The following UNC5C variants were observed in gnomAD, a reference collection of about 807,000 sequenced individuals.
The protein encoded by UNC5C is unc-5 netrin receptor C, also known as netrin receptor UNC5C.
Under a neutral mutation model 99.8 loss-of-function variants are expected in UNC5C, and 47 were observed. The observed-to-expected ratio is 0.47, with a 90% CI of 0.37 to 0.60. UNC5C has a LOEUF of 0.60. Among genes scored for constraint, UNC5C ranks in the 20% least tolerant of loss-of-function variants. The pLI is 0.00. For synonymous variants in UNC5C, 487 were observed against 452.2 expected, an observed-to-expected ratio of 1.08 and a Z score of -0.98; for missense variants, 1,062 against 1,165.9, an observed-to-expected ratio of 0.91 and a Z score of 1.30.
At chr4:95,343,810 A>T (rs367864619) in intron 1 of UNC5C, among the ~76,000 whole-genome samples, 1 of 152,244 alleles carries the variant, frequency 6.6e-6, no homozygotes, top group African/African-American at 2.4e-5. Flanking sequence ...GTACATCAAG[A>T]GTCTCTTAAA....
At chr4:95,529,098 C>A (rs1722570772) in intron 1 of UNC5C, among the ~76,000 whole-genome samples, 1 of 151,192 alleles carries the variant, frequency 6.6e-6, no homozygotes, top group East Asian at 1.9e-4. Context: ...ATCATCCTGA[C>A]AAGATTTTAA....
intron 1 of UNC5C, among the ~76,000 whole-genome samples, chr4:95,478,655 ATTATT>A (rs1160410480): frequency 1.3e-5 from 2 of 151,956 alleles, no homozygotes; most frequent in African/African-American, 4.8e-5. Context: ...TCTGCATTTT[ATTATT>A]TTGTTTTTTA....
At chr4:95,507,240 CAAAGG>C (rs1721947999) in intron 1 of UNC5C, among the ~76,000 whole-genome samples, 1 of 151,890 alleles carries the variant, frequency 6.6e-6, no homozygotes, top group Middle Eastern at 3.4e-3. Flanking sequence ...TCAGCAGATA[CAAAGG>C]AAAGTGTTTA....
At chr4:95,462,215 G>A (rs1304514164) in intron 1 of UNC5C, among the ~76,000 whole-genome samples, 1 of 151,870 alleles carries the variant, frequency 6.6e-6, no homozygotes, top group Non-Finnish European at 1.5e-5. Flanking sequence ...TTTGACATAT[G>A]TATGTGTACA....
chr4:95,231,235 T>C (rs1434855688), intron 7 of UNC5C, among the ~76,000 whole-genome samples: 2 of 152,136 alleles, frequency 1.3e-5, no homozygotes, highest in Non-Finnish European at 2.9e-5. Context: ...CCTGCTTGCC[T>C]TTGAGGTTTA....
At chr4:95,426,422 T>C (rs1226268674) in intron 1 of UNC5C, among the ~76,000 whole-genome samples, 1 of 152,174 alleles carries the variant, frequency 6.6e-6, no homozygotes, top group African/African-American at 2.4e-5. Flanking sequence ...ATTAAGCCAA[T>C]TAATAACCCT....
intron 1 of UNC5C, among the ~76,000 whole-genome samples, chr4:95,380,567 C>T (rs1005119739): frequency 3.3e-5 from 5 of 151,800 alleles, no homozygotes; most frequent in East Asian, 1.9e-4. Context: ...TAAGCCACCA[C>T]GCTTGGCCTA....
intron 1 of UNC5C, among the ~76,000 whole-genome samples, chr4:95,527,482 GT>G (rs1282391165): frequency 6.6e-6 from 1 of 151,982 alleles, no homozygotes; most frequent in Non-Finnish European, 1.5e-5. Context: ...GCAAACTTGA[GT>G]TTTTTTAAAT....
intron 1 of UNC5C, among the ~76,000 whole-genome samples, chr4:95,451,278 C>T (rs1258993208): frequency 6.6e-6 from 1 of 152,270 alleles, no homozygotes; most frequent in East Asian, 1.9e-4. Flanking sequence ...GTTTGAAGCC[C>T]ACCACAGCAG....
chr4:95,291,381 T>C (rs1741438730), intron 3 of UNC5C, among the ~76,000 whole-genome samples: 1 of 152,216 alleles, frequency 6.6e-6, no homozygotes, highest in South Asian at 2.1e-4. Flanking sequence ...AGACAAGCTG[T>C]TTTCTTGCAA....
chr4:95,205,551 C>T (rs1000109624), intron 11 of UNC5C, among the ~76,000 whole-genome samples: 9 of 152,054 alleles, frequency 5.9e-5, no homozygotes, highest in African/African-American at 2.2e-4. Flanking sequence ...CTGGAATCTT[C>T]ATGTGTATTT....
rs565804779 is a variant in UNC5C at position 95,317,009 on chromosome 4, GAA to G, written c.347-15262_347-15261del. 4.2e-4 allele frequency among the ~76,000 whole-genome samples: 58 copies of G among 138,208 alleles called. No individual in the cohort carries two copies. The Middle Eastern group carries it at 0.011, about 27-fold the overall frequency. The allele number at this position is 138,208 out of a possible 152,430, so 90.7% of individuals were successfully genotyped here. On this transcript the variant is annotated intron_variant, in intron 2 of 15. Coordinates refer to ENST00000453304, the MANE Select transcript of UNC5C (RefSeq NM_003728.4). ...AAAGAACACATATGCCAAAATAAAA[GAA>G]AAAAAAAAAGCAAAAATAAAAGGGA...
chr4:95,453,397 A>T (rs1323624793), intron 1 of UNC5C, among the ~76,000 whole-genome samples: 1 of 152,130 alleles, frequency 6.6e-6, no homozygotes. Flanking sequence ...TAATACAATA[A>T]GTATATTCTG....
intron 2 of UNC5C, among the ~76,000 whole-genome samples, chr4:95,331,750 T>A (rs988613536): frequency 6.6e-6 from 1 of 152,044 alleles, no homozygotes; most frequent in African/African-American, 2.4e-5. Flanking sequence ...TTATAAAAAA[T>A]AAAGATTTCA....
chr4:95,453,591 C>T (rs1300134350), intron 1 of UNC5C, among the ~76,000 whole-genome samples: 1 of 152,068 alleles, frequency 6.6e-6, no homozygotes, highest in Non-Finnish European at 1.5e-5. Context: ...ATGAGCTCCA[C>T]CTCTTCTCTT....
Position 95,548,879 on chromosome 4 carries a change from G to A in UNC5C, c.-22C>T, listed in dbSNP as rs200465328. 8 of 1,611,372 alleles carry A rather than the reference G, an allele frequency of 5.0e-6. No individual in the cohort carries two copies. In the Admixed American group the frequency reaches 1.3e-4, roughly 27 times the overall value. On this transcript the variant is annotated 5_prime_UTR_variant, in exon 1 of 16. Transcript: ENST00000453304. ...TCATCGTAGACAGAGGTGTGCCGGGGGGAGGGGAGGGGGACAGAGAGACGC... is the reference window on the plus strand; with the variant it reads ...TCATCGTAGACAGAGGTGTGCCGGGAGGAGGGGAGGGGGACAGAGAGACGC...
chr4:95,346,027 A>G (rs10010074), intron 1 of UNC5C, among the ~76,000 whole-genome samples: 60,649 of 151,554 alleles, frequency 0.4, 13,788 homozygotes, highest in East Asian at 0.84. Context: ...AGGATATTGA[A>G]ATGAAGAAAA....
chr4:95,495,955 T>C (rs1242243381), intron 1 of UNC5C, among the ~76,000 whole-genome samples: 1 of 151,822 alleles, frequency 6.6e-6, no homozygotes, highest in Admixed American at 6.6e-5. Context: ...CATAAATTAA[T>C]AGCAACACTT....
chr4:95,187,046 A>G (rs930829410), intron 12 of UNC5C, among the ~76,000 whole-genome samples: 2 of 152,098 alleles, frequency 1.3e-5, no homozygotes, highest in African/African-American at 4.8e-5. Context: ...AGAAGAAGAA[A>G]AGTGAGGGTT....
Sources: allele counts gnomAD v4.1 joint callset (sites outside exome capture counted in the v4.1 genomes callset), GRCh38; gene constraint gnomAD v4.1.1; transcripts MANE v1.5; gene names NCBI Gene and HGNC (gene_info 2026-07-23, HGNC 2026-07-21).